Variants in UBE2E2 observed in about 807,000 individuals in gnomAD.
UBE2E2 encodes the protein ubiquitin-conjugating enzyme E2 E2.
A neutral mutation model predicts 24.7 loss-of-function variants in UBE2E2; 6 were observed. That is an observed-to-expected ratio of 0.24 (90% CI 0.13 to 0.48). The LOEUF (loss-of-function observed/expected upper bound fraction) is 0.48. Ranked by LOEUF, UBE2E2 falls within the 20% of genes least tolerant of loss-of-function variation. UBE2E2 has a pLI of 0.99. For synonymous variants in UBE2E2, 104 were observed against 83.6 expected (o/e 1.24, Z -1.33); for missense variants, 169 against 245.0 (o/e 0.69, Z 2.07).
At chr3:23,247,507 A>C (rs998481696) in intron 3 of UBE2E2, among the ~76,000 whole-genome samples, 1 of 152,112 alleles carries the variant, frequency 6.6e-6, no homozygotes, top group African/African-American at 2.4e-5. Flanking sequence ...GGTGCCCGCC[A>C]CCAAGCCTGG....
intron 3 of UBE2E2, among the ~76,000 whole-genome samples, chr3:23,299,176 T>C (rs532720420): frequency 6.6e-6 from 1 of 152,274 alleles, no homozygotes; most frequent in South Asian, 2.1e-4. Flanking sequence ...GATTCTTCTC[T>C]CTTCTTTATT....
chr3:23,582,983 T>C (rs1373032517), intron 5 of UBE2E2, among the ~76,000 whole-genome samples: 1 of 152,076 alleles, frequency 6.6e-6, no homozygotes, highest in Non-Finnish European at 1.5e-5. Context: ...TTTTGGAGTC[T>C]TCATCATGGA....
rs1487498503 is a variant in UBE2E2 at position 23,353,693 on chromosome 3, C to A, written c.227+136381C>A. 2.6e-5 allele frequency among the ~76,000 whole-genome samples: 4 copies of A among 151,922 alleles called. No homozygotes were observed. The East Asian group carries it at 5.8e-4, about 22-fold the overall frequency. On this transcript the variant is annotated intron_variant, in intron 3 of 5. Transcript: ENST00000396703. ...CCAACTTACAAGGGATGTGAAGGAC[C>A]GCTTCAAGGAGAACTACAAACCACT... is the stretch of plus-strand genomic sequence containing the variant.
intron 5 of UBE2E2, among the ~76,000 whole-genome samples, chr3:23,568,694 C>CATATGTAT (rs1374547654): frequency 7.5e-6 from 1 of 132,768 alleles, no homozygotes; most frequent in South Asian, 2.3e-4. Context: ...CATATATACA[C>CATATGTAT]ACATATATAT....
chr3:23,587,195 C>T (rs1043574214), intron 5 of UBE2E2, among the ~76,000 whole-genome samples: 2 of 152,202 alleles, frequency 1.3e-5, no homozygotes, highest in East Asian at 1.9e-4. Flanking sequence ...GCACAACGCA[C>T]GCTAATTGTT....
chr3:23,474,986 C>T lies in UBE2E2; in HGVS notation c.228-24622C>T, dbSNP rs893754884. On this transcript the variant is annotated intron_variant, in intron 3 of 5. Coordinates refer to ENST00000396703, the MANE Select transcript of UBE2E2 (RefSeq NM_152653.4). This position sits in a 1 kb window ranked among gnomAD's most constrained non-coding sequence, Gnocchi z 4.0. ...TTGCTCCTCTCAAAGTCACCAACTG[C>T]ATTTTGCTGAAAGTGATAGAACTTT... 6.6e-6 allele frequency among the ~76,000 whole-genome samples: 1 copy of T among 152,112 alleles called. No homozygotes were observed. The highest frequency in any genetic ancestry group is 1.5e-5 in the Non-Finnish European group (1 of 68,038).
intron 3 of UBE2E2, among the ~76,000 whole-genome samples, chr3:23,237,813 T>TA (rs1487949732): frequency 6.6e-6 from 1 of 152,152 alleles, no homozygotes; most frequent in Non-Finnish European, 1.5e-5. Context: ...TATAAGGCCT[T>TA]ACTTAAACCA....
intron 3 of UBE2E2, among the ~76,000 whole-genome samples, chr3:23,220,180 A>AT (rs562839203): frequency 1.3e-5 from 2 of 152,080 alleles, no homozygotes; most frequent in African/African-American, 2.4e-5. Context: ...GTATTGGTTA[A>AT]TTTTTTTTCA....
rs961404605 is a variant in UBE2E2 at position 23,566,881 on chromosome 3, A to G, written c.509-22853A>G. Among the ~76,000 whole-genome samples, 9 of 152,288 alleles carry G rather than the reference A, an allele frequency of 5.9e-5. 1 individual carries two copies. Among genetic ancestry groups the G allele is most frequent in the Admixed American group, 5.2e-4 (8 of 15,282 alleles). ...CAGTTAAGAGATGACAAAGGCTACA[A>G]AGAGGAAGGAAAGGGGAAAGGCCAA... On this transcript the variant is annotated intron_variant, in intron 5 of 5. Transcript: ENST00000396703.
intron 4 of UBE2E2, among the ~76,000 whole-genome samples, chr3:23,505,125 T>G (rs1212620873): frequency 2.0e-5 from 3 of 150,904 alleles, no homozygotes; most frequent in East Asian, 1.9e-4. Flanking sequence ...TTTGCCATGT[T>G]GCTCAGGCTG....
intron 3 of UBE2E2, among the ~76,000 whole-genome samples, chr3:23,400,625 C>CACACACACACAT (rs1487865176): frequency 6.6e-6 from 1 of 151,754 alleles, no homozygotes; most frequent in Non-Finnish European, 1.5e-5. Flanking sequence ...CACACACACA[C>CACACACACACAT]ACACACACAC....
chr3:23,261,174 ATT>A (rs373005556), intron 3 of UBE2E2, among the ~76,000 whole-genome samples: 3 of 146,354 alleles, frequency 2.0e-5, no homozygotes, highest in African/African-American at 2.5e-5. Flanking sequence ...CTGTGGTAGA[ATT>A]TTTTTTTTTT....
At chr3:23,297,135 C>T (rs1490050997) in intron 3 of UBE2E2, among the ~76,000 whole-genome samples, 6 of 152,138 alleles carry the variant, frequency 3.9e-5, no homozygotes, top group Admixed American at 6.6e-5. Flanking sequence ...TCATATCCTT[C>T]ACCCACTTTT....
In UBE2E2 at chr3:23,480,630, G is replaced by GAAA. The variant is rs34377610; in HGVS notation, c.228-18964_228-18962dup. On this transcript the variant is annotated intron_variant, in intron 3 of 5. Transcript: ENST00000396703. ...TGAACAGAGCAAGACCTTGTCTCAGGAAAAAAAAAAAAAAAAGAAGAGGAT... is the reference window on the plus strand; with the variant it reads ...TGAACAGAGCAAGACCTTGTCTCAGGAAAAAAAAAAAAAAAAAAAGAAGAGGAT... Among the ~76,000 whole-genome samples the GAAA allele has an allele frequency of 3.5e-3, 386 of 109,756 alleles. 3 individuals carry two copies. The highest frequency in any genetic ancestry group is 0.012 in the African/African-American group (366 of 30,376). The allele number at this position is 109,756 out of a possible 152,430, so 72.0% of individuals were successfully genotyped here.
chr3:23,257,263 G>A (rs1697752594), intron 3 of UBE2E2, among the ~76,000 whole-genome samples: 1 of 152,170 alleles, frequency 6.6e-6, no homozygotes, highest in Admixed American at 6.5e-5. Context: ...CTCAGGCTAA[G>A]ATCTTTCTTG....
chr3:23,366,259 C>G (rs1052375883), intron 3 of UBE2E2, among the ~76,000 whole-genome samples: 1 of 152,166 alleles, frequency 6.6e-6, no homozygotes, highest in Non-Finnish European at 1.5e-5. Flanking sequence ...GTGGCAATTT[C>G]TTGAAGAACT....
chr3:23,576,127 A>G (rs1467215870), intron 5 of UBE2E2, among the ~76,000 whole-genome samples: 3 of 152,208 alleles, frequency 2.0e-5, no homozygotes, highest in African/African-American at 7.2e-5. Flanking sequence ...ATACTTCTGT[A>G]TTATTTGAAT....
intron 3 of UBE2E2, among the ~76,000 whole-genome samples, chr3:23,229,977 G>A (rs1325303868): frequency 1.3e-5 from 2 of 152,058 alleles, no homozygotes; most frequent in African/African-American, 4.8e-5. Flanking sequence ...AGTAAACTAC[G>A]AGGTCATTTT....
At chr3:23,461,811 G>T (rs1013913378) in intron 3 of UBE2E2, among the ~76,000 whole-genome samples, 18 of 152,042 alleles carry the variant, frequency 1.2e-4, no homozygotes, top group African/African-American at 3.4e-4. Flanking sequence ...AACATATTCT[G>T]CTTGAAATGT....
Sources: allele counts gnomAD v4.1 joint callset (sites outside exome capture counted in the v4.1 genomes callset), GRCh38; gene constraint gnomAD v4.1.1; non-coding constraint Gnocchi (gnomAD v3.1); transcripts MANE v1.5; gene names NCBI Gene and HGNC (gene_info 2026-07-23, HGNC 2026-07-21).